FAF1: variants seen among roughly 807,000 people sequenced by gnomAD.
FAF1 encodes the protein FAS-associated factor 1.
Under a neutral mutation model 92.5 loss-of-function variants are expected in FAF1, and 25 were observed. The observed-to-expected ratio is 0.27, with a 90% confidence interval of 0.20 to 0.38. FAF1 has a LOEUF of 0.38. FAF1 is among the 10% of genes least tolerant of loss of function. The pLI is 1.00. For missense variants in FAF1, 636 were observed against 793.3 expected (o/e 0.80, Z 2.38); for synonymous variants, 234 against 273.2 (o/e 0.86, Z 1.42).
Position 50,473,527 on chromosome 1 carries a change from T to C in FAF1, c.1869+1937A>G, listed in dbSNP as rs558286207. Among the ~76,000 whole-genome samples the C allele has an allele frequency of 3.3e-5, 5 of 152,322 alleles. No homozygotes were observed. The South Asian group carries it at 1.0e-3, about 32-fold the overall frequency. On this transcript the variant is annotated intron_variant, in intron 18 of 18. Transcript: ENST00000396153. ...ATAAAGTATGAGAACAAGGCTGATC[T>C]TGAACACTTTGATAATGGTTCTTTG...
chr1:50,595,671 T>C lies in FAF1; in HGVS notation c.840+450A>G, dbSNP rs745838533. ...AATTCTCATGCCTCAGCCTCCCAAGTAGCTGGGATTATAGGTGTCTGCCAC... is the reference window on the plus strand; with the variant it reads ...AATTCTCATGCCTCAGCCTCCCAAGCAGCTGGGATTATAGGTGTCTGCCAC... On this transcript the variant is annotated intron_variant, in intron 9 of 18. Coordinates refer to ENST00000396153, the MANE Select transcript of FAF1 (RefSeq NM_007051.3). Among the ~76,000 whole-genome samples the C allele has an allele frequency of 5.3e-5, 8 of 152,080 alleles. No individual in the cohort carries two copies. The East Asian group carries it at 1.5e-3, about 29-fold the overall frequency.
In FAF1 at chr1:50,684,939, T is replaced by C. The variant is rs111790258; in HGVS notation, c.657+20847A>G. Among the ~76,000 whole-genome samples the C allele has an allele frequency of 3.0e-3, 461 of 152,336 alleles. 4 individuals carry two copies. Among genetic ancestry groups the C allele is most frequent in the African/African-American group, 0.01 (434 of 41,578 alleles). On this transcript the variant is annotated intron_variant, in intron 7 of 18. Coordinates refer to ENST00000396153, the MANE Select transcript of FAF1 (RefSeq NM_007051.3). ...GCTATAAGATGGCCTAAACCAATTA[T>C]ACAAATGAATGTTGTATGAGGCACA...
chr1:50,573,369 G>A (rs572747549), intron 12 of FAF1, among the ~76,000 whole-genome samples: 47 of 152,242 alleles, frequency 3.1e-4, no homozygotes, highest in Middle Eastern at 3.4e-3. Context: ...AAAGTGCTGA[G>A]ATTACAGGCG....
chr1:50,551,697 A>G (rs1649316273), intron 13 of FAF1, among the ~76,000 whole-genome samples: 1 of 152,194 alleles, frequency 6.6e-6, no homozygotes, highest in Admixed American at 6.5e-5. Context: ...GGATTTCAGT[A>G]AGGCATATAA....
intron 2 of FAF1, among the ~76,000 whole-genome samples, chr1:50,856,332 T>C (rs1030597697): frequency 1.3e-5 from 2 of 151,836 alleles, no homozygotes; most frequent in Admixed American, 6.6e-5. Flanking sequence ...CACTTATTAT[T>C]GCAAAAGAAG....
intron 1 of FAF1, among the ~76,000 whole-genome samples, chr1:50,915,823 TAA>T (rs773051617): frequency 3.9e-5 from 6 of 152,188 alleles, no homozygotes; most frequent in Admixed American, 1.3e-4. Flanking sequence ...AAAATAAGGC[TAA>T]GTCAGCATTC....
chr1:50,690,822 G>T (rs922467715), intron 7 of FAF1, among the ~76,000 whole-genome samples: 1 of 151,984 alleles, frequency 6.6e-6, no homozygotes, highest in African/African-American at 2.4e-5. Context: ...TGATATAAAC[G>T]TAATTATATA....
intron 6 of FAF1, among the ~76,000 whole-genome samples, chr1:50,729,992 G>T (rs1361251788): frequency 6.6e-6 from 1 of 152,066 alleles, no homozygotes; most frequent in Non-Finnish European, 1.5e-5. Context: ...TTGCACTCCA[G>T]CCTGGTGACA....
At chr1:50,819,490 G>A (rs1289690446) in intron 2 of FAF1, among the ~76,000 whole-genome samples, 1 of 149,808 alleles carries the variant, frequency 6.7e-6, no homozygotes, top group African/African-American at 2.5e-5. Flanking sequence ...AGCTAGGCAT[G>A]GTGGTACACA....
At chr1:50,827,507 C>A (rs1425037781) in intron 2 of FAF1, among the ~76,000 whole-genome samples, 1 of 152,164 alleles carries the variant, frequency 6.6e-6, no homozygotes, top group Non-Finnish European at 1.5e-5. Flanking sequence ...GCCGCAGGGA[C>A]CTCTGCCTAG....
chr1:50,717,261 G>A (rs1658215832), intron 6 of FAF1, among the ~76,000 whole-genome samples: 1 of 152,138 alleles, frequency 6.6e-6, no homozygotes, highest in Middle Eastern at 3.2e-3. Context: ...TGATTATTTG[G>A]ATATGGGGTC....
intron 9 of FAF1, among the ~76,000 whole-genome samples, chr1:50,586,022 T>C (rs1430238091): frequency 6.6e-6 from 1 of 151,934 alleles, no homozygotes; most frequent in Non-Finnish European, 1.5e-5. Context: ...CACTGCACTC[T>C]AGCCTGAGTG....
intron 1 of FAF1, among the ~76,000 whole-genome samples, chr1:50,889,614 C>T (rs533171553): frequency 0.012 from 1,761 of 152,160 alleles, 29 homozygotes; most frequent in African/African-American, 0.041. Flanking sequence ...GCCTTCATTT[C>T]GTTATGTACC....
rs35479561 is a variant in FAF1 at position 50,457,724 on chromosome 1, C to CAAAAAAAAAAAAAAAAAAAAAA, written c.1870-16223_1870-16202dup. On this transcript the variant is annotated intron_variant, in intron 18 of 18. Transcript: ENST00000396153. ...GCAATTCGGTGAAACCCCATCTCTG[C>CAAAAAAAAAAAAAAAAAAAAAA]AAAAAAAAAAAAAAAAAAAAAATAC... Among the ~76,000 whole-genome samples, 43 of 56,540 alleles carry CAAAAAAAAAAAAAAAAAAAAAA rather than the reference C, an allele frequency of 7.6e-4. 1 individual carries two copies. The highest frequency in any genetic ancestry group is 2.5e-3 in the African/African-American group (26 of 10,422). The allele number at this position is 56,540 out of a possible 152,430, so 37.1% of individuals were successfully genotyped here.
chr1:50,606,012 TG>T (rs1652365491), intron 8 of FAF1, among the ~76,000 whole-genome samples: 1 of 152,160 alleles, frequency 6.6e-6, no homozygotes, highest in African/African-American at 2.4e-5. Flanking sequence ...GTCTGAGAAA[TG>T]GGAATAATAT....
chr1:50,452,996 T>C (rs1646311695), intron 18 of FAF1, among the ~76,000 whole-genome samples: 1 of 152,212 alleles, frequency 6.6e-6, no homozygotes. Context: ...TCTGATCCTG[T>C]CCTGCTCCTT....
intron 4 of FAF1, among the ~76,000 whole-genome samples, chr1:50,753,903 G>C (rs1289739013): frequency 1.3e-5 from 2 of 151,852 alleles, no homozygotes; most frequent in Non-Finnish European, 2.9e-5. Context: ...GATTACAGGG[G>C]TACGCCACCA....
intron 8 of FAF1, among the ~76,000 whole-genome samples, chr1:50,604,034 C>T (rs1652266407): frequency 6.6e-6 from 1 of 152,122 alleles, no homozygotes; most frequent in Admixed American, 6.5e-5. Flanking sequence ...AGGCTTTTTG[C>T]TATGTACATA....
At chr1:50,546,788 A>T (rs939550667) in intron 13 of FAF1, among the ~76,000 whole-genome samples, 7 of 152,178 alleles carry the variant, frequency 4.6e-5, no homozygotes, top group African/African-American at 1.7e-4. Flanking sequence ...ATGCCTTTGA[A>T]TTTTGATTAA....
Sources: allele counts gnomAD v4.1 joint callset (sites outside exome capture counted in the v4.1 genomes callset), GRCh38; gene constraint gnomAD v4.1.1; transcripts MANE v1.5; gene names NCBI Gene and HGNC (gene_info 2026-07-23, HGNC 2026-07-21).